Variants in SMYD3 observed in about 807,000 individuals in gnomAD.
The protein encoded by SMYD3 is SET and MYND domain containing 3.
In SMYD3, 36 loss-of-function variants were observed where a neutral mutation model predicts 57.7. That is an observed-to-expected ratio of 0.62 (90% CI 0.48 to 0.82). The LOEUF (loss-of-function observed/expected upper bound fraction) is 0.82, where lower values mean the gene tolerates loss of function less well. SMYD3 is among the 40% of genes least tolerant of loss of function. The pLI is 0.00. For synonymous variants in SMYD3, 211 were observed against 195.0 expected (o/e 1.08, Z -0.68); for missense variants, 515 against 538.8 (o/e 0.96, Z 0.44).
At chr1:246,229,989 T>C (rs1219596403) in intron 5 of SMYD3, among the ~76,000 whole-genome samples, 1 of 152,190 alleles carries the variant, frequency 6.6e-6, no homozygotes, top group Non-Finnish European at 1.5e-5. Flanking sequence ...TCAAGATTTT[T>C]CCAAGTGTTA....
chr1:245,877,155 C>A (rs1379928008), intron 8 of SMYD3, among the ~76,000 whole-genome samples: 1 of 152,208 alleles, frequency 6.6e-6, no homozygotes, highest in Non-Finnish European at 1.5e-5. Context: ...GGAGACGGGG[C>A]AGCTCCCCGG....
At chr1:246,468,987 G>C (rs148448191) in intron 1 of SMYD3, among the ~76,000 whole-genome samples, 52 of 152,280 alleles carry the variant, frequency 3.4e-4, no homozygotes, top group African/African-American at 1.2e-3. Flanking sequence ...TTAAGCCTCT[G>C]TACATGGTAG....
intron 8 of SMYD3, among the ~76,000 whole-genome samples, chr1:245,874,968 C>G (rs147377586): frequency 1.3e-5 from 2 of 152,152 alleles, no homozygotes; most frequent in Non-Finnish European, 2.9e-5. Flanking sequence ...TGCCTCACCT[C>G]GTATCCATGA....
chr1:246,029,051 A>T (rs1313331811), intron 5 of SMYD3, among the ~76,000 whole-genome samples: 1 of 152,214 alleles, frequency 6.6e-6, no homozygotes, highest in Non-Finnish European at 1.5e-5. Context: ...GGAGACCATT[A>T]TCACTGTATA....
At chr1:245,775,574 C>A (rs184049204) in intron 10 of SMYD3, among the ~76,000 whole-genome samples, 1 of 151,392 alleles carries the variant, frequency 6.6e-6, no homozygotes, top group Non-Finnish European at 1.5e-5. Flanking sequence ...ACAAACACTG[C>A]GGAAGGCCGC....
intron 1 of SMYD3, among the ~76,000 whole-genome samples, chr1:246,383,681 G>T (rs1434894823): frequency 2.0e-5 from 3 of 152,208 alleles, no homozygotes; most frequent in Admixed American, 6.5e-5. Flanking sequence ...TCAAGATGGG[G>T]TCAGGCATGG....
intron 8 of SMYD3, among the ~76,000 whole-genome samples, chr1:245,909,244 G>A (rs2054795367): frequency 6.6e-6 from 1 of 152,040 alleles, no homozygotes; most frequent in Non-Finnish European, 1.5e-5. Context: ...AAACTACCAA[G>A]GTTAAACCGT....
At chr1:246,047,930 A>G (rs1363589871) in intron 5 of SMYD3, among the ~76,000 whole-genome samples, 1 of 152,214 alleles carries the variant, frequency 6.6e-6, no homozygotes, top group Non-Finnish European at 1.5e-5. Flanking sequence ...CATTTTTTAA[A>G]AAAACCTACA....
chr1:245,942,428 A>G (rs572971271), intron 5 of SMYD3, among the ~76,000 whole-genome samples: 106 of 152,346 alleles, frequency 7.0e-4, no homozygotes, highest in African/African-American at 2.3e-3. Context: ...AAGAAGAGCT[A>G]ACTATCCTAA....
intron 5 of SMYD3, among the ~76,000 whole-genome samples, chr1:246,182,409 A>G (rs766096618): frequency 2.6e-5 from 4 of 152,076 alleles, no homozygotes; most frequent in Non-Finnish European, 4.4e-5. Flanking sequence ...TCCAAAGGGG[A>G]CCTAAGAATT....
chr1:246,221,421 G>A (rs1165119815), intron 5 of SMYD3, among the ~76,000 whole-genome samples: 2 of 152,168 alleles, frequency 1.3e-5, no homozygotes, highest in African/African-American at 2.4e-5. Context: ...AACACAAACA[G>A]GGCTAAAACA....
At position 246,023,541 on chromosome 1, in the gene SMYD3, G is replaced by GA. The variant is rs148787351; in HGVS notation, c.532-93605dup. Among the ~76,000 whole-genome samples the GA allele has an allele frequency of 2.9e-4, 43 of 150,246 alleles. 1 individual carries two copies. The highest frequency in any genetic ancestry group is 1.6e-4 in the Non-Finnish European group (11 of 67,384). The stretch of plus-strand genomic sequence containing the variant: ...TCATTACTATTTTAGCATTGTCAAG[G>GA]AAAAAAAAAGGACTTATGTTTTGTA... On this transcript the variant is annotated intron_variant, in intron 5 of 11. Transcript: ENST00000490107.
At chr1:245,963,009 A>T (rs898189462) in intron 5 of SMYD3, among the ~76,000 whole-genome samples, 1 of 152,164 alleles carries the variant, frequency 6.6e-6, no homozygotes, top group African/African-American at 2.4e-5. Flanking sequence ...TTCTTAGCAC[A>T]CTAAGAAAAA....
chr1:245,904,714 G>A (rs984106106), intron 8 of SMYD3, among the ~76,000 whole-genome samples: 2 of 152,076 alleles, frequency 1.3e-5, no homozygotes, highest in African/African-American at 4.8e-5. Context: ...ACTAGGCCCA[G>A]AGACAGTGGA....
At chr1:245,797,003 C>T (rs1436018684) in intron 10 of SMYD3, among the ~76,000 whole-genome samples, 1 of 152,126 alleles carries the variant, frequency 6.6e-6, no homozygotes, top group Non-Finnish European at 1.5e-5. Context: ...ATATCTGTAC[C>T]GGTTAGTGTA....
chr1:245,960,859 G>C (rs768200348), intron 5 of SMYD3, among the ~76,000 whole-genome samples: 11 of 152,116 alleles, frequency 7.2e-5, no homozygotes, highest in Non-Finnish European at 1.2e-4. Flanking sequence ...TTTTCACAGA[G>C]AGAAAAATAA....
intron 5 of SMYD3, chr1:246,193,841 A>T (rs2062783943): frequency 6.6e-6 from 1 of 152,034 alleles, no homozygotes; most frequent in South Asian, 2.1e-4. Context: ...CTCCCTCTTT[A>T]ATTCTAGGCC....
At chr1:245,848,411 T>C (rs1890820) in intron 10 of SMYD3, among the ~76,000 whole-genome samples, 1 of 151,578 alleles carries the variant, frequency 6.6e-6, no homozygotes. Context: ...ATGAGCCACC[T>C]TGACTGGATT....
chr1:245,798,393 C>CACACACACACCACACAT lies in SMYD3; in HGVS notation c.1077-34245_1077-34244insATGTGTGGTGTGTGTGT, dbSNP rs1213133764. Among the ~76,000 whole-genome samples the CACACACACACCACACAT allele has an allele frequency of 7.3e-5, 10 of 137,594 alleles. 4 individuals carry two copies. The highest frequency in any genetic ancestry group is 5.1e-4 in the South Asian group (2 of 3,926). The allele number at this position is 137,594 out of a possible 152,430, so 90.3% of individuals were successfully genotyped here. A position where few individuals can be genotyped will look rare whatever the true frequency, so the allele number is the denominator to read the frequency against. Reference sequence around the variant, plus strand: ...TGACCTGTCAACACACACACGCGCACACACACACACACATACACACACATA... The same window carrying CACACACACACCACACAT: ...TGACCTGTCAACACACACACGCGCACACACACACACCACACATACACACACACACATACACACACATA... On this transcript the variant is annotated intron_variant, in intron 10 of 11. Transcript: ENST00000490107.
Sources: gnomAD v4.1 joint callset for allele counts (sites outside exome capture counted in the v4.1 genomes callset) on GRCh38, gnomAD v4.1.1 for gene constraint, MANE v1.5 for transcripts, NCBI Gene and HGNC (gene_info 2026-07-23, HGNC 2026-07-21) for gene names.